PACS1: variants seen among roughly 807,000 people sequenced by gnomAD.
The protein encoded by PACS1 is phosphofurin acidic cluster sorting protein 1.
PACS1 carries 24 observed loss-of-function variants against 115.0 expected under a neutral mutation model. The ratio of observed to expected loss-of-function variants is 0.21; its 90% CI spans 0.15 to 0.29. The LOEUF is 0.29. Ranked by LOEUF, PACS1 falls within the 10% of genes least tolerant of loss-of-function variation. The pLI, the probability that PACS1 is intolerant of heterozygous loss-of-function variation, is 1.00. For synonymous variants in PACS1, 453 were observed against 504.5 expected, an observed-to-expected ratio of 0.90 and a Z score of 1.37; for missense variants, 838 against 1,251.2, an observed-to-expected ratio of 0.67 and a Z score of 4.98.
At chr11:66,151,636 C>T (rs1422368743) in intron 1 of PACS1, among the ~76,000 whole-genome samples, 4 of 152,210 alleles carry the variant, frequency 2.6e-5, no homozygotes, top group Admixed American at 6.5e-5. Context: ...CAGAAGAACA[C>T]AGTAGAATCC....
chr11:66,219,648 A>T, intron 7 of PACS1, 98 bp from the exon 8 acceptor site: 1 of 924,922 alleles, frequency 1.1e-6, no homozygotes, highest in Non-Finnish European at 1.8e-6. Flanking sequence ...GTGTCTTCCC[A>T]CAGCTCGTCA....
At chr11:66,174,293 A>G (rs1416724702) in intron 1 of PACS1, among the ~76,000 whole-genome samples, 1 of 152,210 alleles carries the variant, frequency 6.6e-6, no homozygotes, top group African/African-American at 2.4e-5. Context: ...GAGGATATAG[A>G]GAAACAAGAA....
intron 1 of PACS1, among the ~76,000 whole-genome samples, chr11:66,123,278 G>A (rs963236864): frequency 2.0e-5 from 3 of 148,274 alleles, no homozygotes; most frequent in East Asian, 4.0e-4. Context: ...TGCAACCTCC[G>A]CCTTCTGGGT....
intron 1 of PACS1, among the ~76,000 whole-genome samples, chr11:66,103,531 T>C (rs1857967660): frequency 6.8e-6 from 1 of 146,946 alleles, no homozygotes; most frequent in African/African-American, 2.5e-5. Flanking sequence ...TTTTTTTTTT[T>C]TTTTTTTTTG....
At chr11:66,122,972 G>C (rs1858477603) in intron 1 of PACS1, among the ~76,000 whole-genome samples, 1 of 152,130 alleles carries the variant, frequency 6.6e-6, no homozygotes, top group Non-Finnish European at 1.5e-5. Context: ...TTCTGCTGTG[G>C]GTAGCATGCT....
At chr11:66,132,006 C>T (rs114030704) in intron 1 of PACS1, among the ~76,000 whole-genome samples, 228 of 152,098 alleles carry the variant, frequency 1.5e-3, no homozygotes, top group African/African-American at 5.1e-3. Flanking sequence ...TCTAAGTACA[C>T]TTGTCCCTTG....
At chr11:66,095,969 C>T (rs913375582) in intron 1 of PACS1, among the ~76,000 whole-genome samples, 4 of 151,460 alleles carry the variant, frequency 2.6e-5, no homozygotes, top group Admixed American at 2.0e-4. Flanking sequence ...GAGTCTCACT[C>T]TGTTGCCCAG....
At chr11:66,180,595 C>T (rs1286054834) in intron 1 of PACS1, among the ~76,000 whole-genome samples, 5 of 152,128 alleles carry the variant, frequency 3.3e-5, no homozygotes, top group African/African-American at 9.7e-5. Flanking sequence ...CCTCATGATC[C>T]GCCTACCTCA....
chr11:66,243,523 A>AG lies in PACS1; in HGVS notation c.*245dup. ...CCTTCTCCCTCCTGCTCCAGGCCCAAGGCGTGTTGGTTTTGCCTTCTGGTG... is the reference window on the plus strand; with the variant it reads ...CCTTCTCCCTCCTGCTCCAGGCCCAAGGGCGTGTTGGTTTTGCCTTCTGGTG... On this transcript the variant is annotated 3_prime_UTR_variant, in exon 24 of 24. Transcript: ENST00000320580. The AG allele has an allele frequency of 1.9e-6, 1 of 540,136 alleles. No individual in the cohort carries two copies. The highest frequency in any genetic ancestry group is 3.3e-6 in the Non-Finnish European group (1 of 299,290). The allele number at this position is 540,136 out of a possible 1,614,324, so 33.5% of individuals were successfully genotyped here. A position where few individuals can be genotyped will look rare whatever the true frequency, so the allele number is the denominator to read the frequency against.
intron 1 of PACS1, among the ~76,000 whole-genome samples, chr11:66,147,453 T>C (rs1349663691): frequency 6.6e-6 from 1 of 152,044 alleles, no homozygotes; most frequent in African/African-American, 2.4e-5. Context: ...TGTAAGATAA[T>C]ATATAAAAAT....
chr11:66,120,392 C>A (rs924725075), intron 1 of PACS1, among the ~76,000 whole-genome samples: 4 of 152,178 alleles, frequency 2.6e-5, no homozygotes, highest in Non-Finnish European at 4.4e-5. Flanking sequence ...CCACTGGACC[C>A]AGCCTGAATA....
chr11:66,196,147 TGAGCCTAG>T (rs1194613564), intron 2 of PACS1, among the ~76,000 whole-genome samples: 1 of 152,158 alleles, frequency 6.6e-6, no homozygotes, highest in African/African-American at 2.4e-5. Flanking sequence ...GCGGGTCACT[TGAGCCTAG>T]GAGCTGGCTG....
chr11:66,195,381 A>C (rs1184866263), intron 2 of PACS1, among the ~76,000 whole-genome samples: 2 of 152,088 alleles, frequency 1.3e-5, no homozygotes, highest in Non-Finnish European at 2.9e-5. Context: ...AATGTGAACT[A>C]TTAGTGTCTT....
intron 1 of PACS1, among the ~76,000 whole-genome samples, chr11:66,075,309 C>T (rs1490617066): frequency 3.9e-5 from 6 of 152,116 alleles, no homozygotes; most frequent in Non-Finnish European, 7.3e-5. Flanking sequence ...GGCACAATCA[C>T]GGCTCATTGC....
At chr11:66,170,711 G>T (rs1318462118) in intron 1 of PACS1, among the ~76,000 whole-genome samples, 1 of 148,520 alleles carries the variant, frequency 6.7e-6, no homozygotes, top group Admixed American at 6.6e-5. Flanking sequence ...GCTGAGGCAG[G>T]TGGATAGCTT....
At chr11:66,115,266 G>T (rs1189359283) in intron 1 of PACS1, among the ~76,000 whole-genome samples, 1 of 150,784 alleles carries the variant, frequency 6.6e-6, no homozygotes, top group Non-Finnish European at 1.5e-5. Flanking sequence ...ATGATCAGCA[G>T]TTGGTTATAA....
At chr11:66,151,647 A>G (rs1342372448) in intron 1 of PACS1, among the ~76,000 whole-genome samples, 1 of 152,256 alleles carries the variant, frequency 6.6e-6, no homozygotes, top group Admixed American at 6.5e-5. Context: ...AGTAGAATCC[A>G]GAGTTGCTAT....
At chr11:66,190,800 C>T (rs1408639707) in intron 1 of PACS1, among the ~76,000 whole-genome samples, 1 of 152,110 alleles carries the variant, frequency 6.6e-6, no homozygotes, top group African/African-American at 2.4e-5. Flanking sequence ...TGTGGGCAGT[C>T]ATTGAAGGGG....
intron 1 of PACS1, among the ~76,000 whole-genome samples, chr11:66,137,022 G>GC (rs10719542): frequency 0.21 from 27,018 of 131,512 alleles, 2,887 homozygotes; most frequent in Admixed American, 0.3. Context: ...GTCACAAATT[G>GC]CCCCCCCCCC....
Sources: allele counts gnomAD v4.1 joint callset (sites outside exome capture counted in the v4.1 genomes callset), GRCh38; gene constraint gnomAD v4.1.1; transcripts MANE v1.5; gene names NCBI Gene and HGNC (gene_info 2026-07-23, HGNC 2026-07-21).